RP1: variants seen among roughly 807,000 people sequenced by gnomAD.
The protein encoded by RP1 is oxygen-regulated protein 1.
RP1 carries 16 observed loss-of-function variants against 14.8 expected under a neutral mutation model. The observed-to-expected ratio is 1.08, with a 90% CI of 0.73 to 1.65. RP1 has a LOEUF of 1.65. RP1 is among the 40% of genes most tolerant of loss of function. The pLI is 0.00. For synonymous variants in RP1, 876 were observed against 883.6 expected (o/e 0.99, Z 0.15); for missense variants, 2,631 against 2,535.0 (o/e 1.04, Z -0.81).
chr8:54,649,261 T>A, intron 4 of RP1: 1 of 809,182 alleles, frequency 1.2e-6, no homozygotes. Context: ...TAGAAGATCA[T>A]TCAAAAATAA....
chr8:54,699,805 A>T (rs935123408), intron 13 of RP1, among the ~76,000 whole-genome samples: 52 of 152,172 alleles, frequency 3.4e-4, no homozygotes, highest in Non-Finnish European at 5.9e-4. Flanking sequence ...CAAAATTTTA[A>T]TGAGCTTTCA....
chr8:54,684,195 G>T (rs188851634), intron 12 of RP1, among the ~76,000 whole-genome samples: 195 of 152,106 alleles, frequency 1.3e-3, no homozygotes, highest in African/African-American at 4.5e-3. Context: ...TTTTTGATGT[G>T]CTGTTGTATC....
At chr8:54,706,902 A>C (rs1256528891) in intron 15 of RP1, among the ~76,000 whole-genome samples, 1 of 152,084 alleles carries the variant, frequency 6.6e-6, no homozygotes, top group Non-Finnish European at 1.5e-5. Context: ...TTGTGTTAGG[A>C]AGTAGATTCT....
intron 24 of RP1, among the ~76,000 whole-genome samples, chr8:54,809,417 T>C (rs962597091): frequency 6.6e-6 from 1 of 152,128 alleles, no homozygotes; most frequent in Non-Finnish European, 1.5e-5. Flanking sequence ...GTATCAGCAA[T>C]GGGGGTTCAG....
intron 1 of RP1, among the ~76,000 whole-genome samples, chr8:54,579,508 A>G (rs1804731964): frequency 6.6e-6 from 1 of 152,040 alleles, no homozygotes; most frequent in Non-Finnish European, 1.5e-5. Context: ...GGCATTTGGG[A>G]TTAGTGAGTT....
intron 1 of RP1, among the ~76,000 whole-genome samples, chr8:54,604,855 G>C (rs1317999581): frequency 6.6e-6 from 1 of 152,162 alleles, no homozygotes; most frequent in Non-Finnish European, 1.5e-5. Flanking sequence ...TCTGATGGTA[G>C]TTTGTATTTC....
At position 54,628,928 on chromosome 8, in the gene RP1, T is replaced by C. The variant is rs772282294; in HGVS notation, c.5046T>C (p.Ser1682=). 1 of 1,614,112 alleles carries C rather than the reference T, an allele frequency of 6.2e-7. No individual in the cohort carries two copies. Among genetic ancestry groups the C allele is most frequent in the Non-Finnish European group, 8.5e-7 (1 of 1,179,974 alleles). Residue 1682 remains serine (S), a synonymous_variant, in exon 4 of 4, where the codon TCT becomes TCC. Coordinates refer to ENST00000220676, the MANE Select transcript of RP1 (RefSeq NM_006269.2). ...ATTCTGAAGGGCAGTCATTTGGCTC[T>C]TCTGAACAGGTATCTAGTAGTTCAT... ...LYDSEGQSFG[S]SEQVSSSSSM... is the part of the protein sequence containing the mutation.
chr8:54,826,780 T>C (rs150107569), intron 24 of RP1, among the ~76,000 whole-genome samples: 57 of 152,354 alleles, frequency 3.7e-4, no homozygotes, highest in African/African-American at 1.3e-3. Context: ...CAAAGTTTAA[T>C]ACAGCCATGC....
chr8:54,569,086 G>C (rs547865122), intron 1 of RP1, among the ~76,000 whole-genome samples: 2 of 152,324 alleles, frequency 1.3e-5, no homozygotes, highest in South Asian at 2.1e-4. Flanking sequence ...ATGCAAAAAA[G>C]AGCAGAAGAA....
intron 24 of RP1, among the ~76,000 whole-genome samples, chr8:54,788,871 C>T (rs1810392262): frequency 6.6e-6 from 1 of 152,098 alleles, no homozygotes; most frequent in South Asian, 2.1e-4. Context: ...GTGAAAATCC[C>T]AGAAACTGGG....
In RP1 at chr8:54,624,718, C is replaced by T. The variant is rs375744003; in HGVS notation, c.836C>T (p.Ser279Phe). The T allele has an allele frequency of 9.9e-6, 16 of 1,613,896 alleles. No homozygotes were observed. The highest frequency in any genetic ancestry group is 8.9e-5 in the East Asian group (4 of 44,842). ...TCAAGGTCCCAGATTTATTCTGTTT[C>T]TTCTGAGAAAACACATAATAATGAT... Reference protein sequence around the residue: ...SSSRSQIYSVSSEKTHNNDCY... With the variant: ...SSSRSQIYSVFSEKTHNNDCY... The change falls in exon 4 of 4, where the codon TCT becomes TTT. Residue 279 changes from serine to phenylalanine, a missense_variant. Transcript: ENST00000220676.
Position 54,627,609 on chromosome 8 carries a change from G to T in RP1, c.3727G>T (p.Glu1243Ter). The change falls in exon 4 of 4, where the codon GAG (glutamate) becomes TAG (stop). Residue 1243 changes from glutamate to a stop codon, truncating the protein, a stop_gained. Transcript: ENST00000220676. LOFTEE classifies it low-confidence loss of function (END_TRUNC). ...SSLDGGCSAS[E>*]ACAPEVCVLE... ...TTTGGATGGAGGTTGCTCTGCCAGT[G>T]AGGCATGTGCCCCTGAAGTCTGTGT... 1 of 1,614,198 alleles carries T rather than the reference G, an allele frequency of 6.2e-7. No individual in the cohort carries two copies. The highest frequency in any genetic ancestry group is 8.5e-7 in the Non-Finnish European group (1 of 1,179,988).
intron 12 of RP1, among the ~76,000 whole-genome samples, chr8:54,698,191 A>G (rs1325475194): frequency 6.6e-6 from 1 of 152,206 alleles, no homozygotes; most frequent in African/African-American, 2.4e-5. Context: ...AAACAAATTT[A>G]CAAGAAAAAA....
intron 12 of RP1, among the ~76,000 whole-genome samples, chr8:54,690,070 T>TA (rs1807673558): frequency 6.6e-6 from 1 of 152,038 alleles, no homozygotes; most frequent in Non-Finnish European, 1.5e-5. Context: ...TGCTTCAACT[T>TA]AAAAAAATTA....
At chr8:54,679,221 T>A (rs1807366804) in intron 9 of RP1, among the ~76,000 whole-genome samples, 1 of 152,214 alleles carries the variant, frequency 6.6e-6, no homozygotes, top group Non-Finnish European at 1.5e-5. Context: ...AGATAGTAAC[T>A]GCTGCTTCTA....
intron 18 of RP1, among the ~76,000 whole-genome samples, chr8:54,738,119 G>T (rs145836442): frequency 4.6e-5 from 7 of 151,938 alleles, no homozygotes; most frequent in Non-Finnish European, 7.4e-5. Flanking sequence ...TTTCATCTTC[G>T]CATACCTGTG....
At chr8:54,725,582 C>T (rs1808633507) in intron 16 of RP1, among the ~76,000 whole-genome samples, 1 of 152,186 alleles carries the variant, frequency 6.6e-6, no homozygotes, top group African/African-American at 2.4e-5. Flanking sequence ...AGTCATCTTA[C>T]ATCGTTGACT....
chr8:54,603,988 G>A (rs1052659268), intron 1 of RP1, among the ~76,000 whole-genome samples: 1 of 152,122 alleles, frequency 6.6e-6, no homozygotes, highest in Non-Finnish European at 1.5e-5. Flanking sequence ...CTGCAAACAG[G>A]ACAATTTGAC....
At position 54,759,072 on chromosome 8, in the gene RP1, C is replaced by T. The variant is rs1474192770; in HGVS notation, c.3244C>T (p.Gln1082Ter). ...CACATCCGAGTCCATCTTTACCTGT[C>T]AAAGGTAATGCTGGTCTCCAAGATA... is the stretch of plus-strand genomic sequence containing the variant. The change falls in exon 22 of 23, where the codon CAA becomes TAA. Residue 1082 changes from glutamine (Q) to a stop codon, truncating the protein, a stop_gained. Transcript: ENST00000636932. LOFTEE classifies it high-confidence loss of function. 2.0e-6 allele frequency: 3 copies of T among 1,534,184 alleles called. No homozygotes were observed. Among genetic ancestry groups the T allele is most frequent in the Admixed American group, 3.9e-5 (2 of 50,914 alleles).
Sources: gnomAD v4.1 joint callset for allele counts (sites outside exome capture counted in the v4.1 genomes callset) on GRCh38, gnomAD v4.1.1 for gene constraint, MANE v1.5 for transcripts, NCBI Gene and HGNC (gene_info 2026-07-23, HGNC 2026-07-21) for gene names.